ZFYVE28: variants seen among roughly 807,000 people sequenced by gnomAD.
ZFYVE28 encodes lateral signaling target protein 2 homolog.
In ZFYVE28, 40 loss-of-function variants were observed where a neutral mutation model predicts 82.1. The ratio of observed to expected loss-of-function variants is 0.49; its 90% CI spans 0.38 to 0.63. The LOEUF is 0.63. Among genes scored for constraint, ZFYVE28 ranks in the 30% least tolerant of loss-of-function variants. The pLI, the probability that ZFYVE28 is intolerant of heterozygous loss-of-function variation, is 0.00. For synonymous variants in ZFYVE28, 612 were observed against 546.1 expected (o/e 1.12, Z -1.68); for missense variants, 1,321 against 1,242.1 (o/e 1.06, Z -0.96).
Position 2,337,413 on chromosome 4 carries a change from A to G in ZFYVE28, c.605T>C (p.Val202Ala), listed in dbSNP as rs1173063840. 6.2e-7 allele frequency: 1 copy of G among 1,604,314 alleles called. No homozygotes were observed. The highest frequency in any genetic ancestry group is 8.5e-7 in the Non-Finnish European group (1 of 1,174,936). The change falls in exon 5 of 13, where the codon GTG becomes GCG. Residue 202 changes from valine (V) to alanine (A), a missense_variant. By Grantham distance (64) the Val-to-Ala change is moderately conservative. Transcript: ENST00000290974. ...TAAGCATCCCTGTGCTCACCTCTCCACCGTCTCGCAGAAGAGCACGATGAC... is the reference window on the plus strand; with the variant it reads ...TAAGCATCCCTGTGCTCACCTCTCCGCCGTCTCGCAGAAGAGCACGATGAC... ...QEVIVLFCETVERALDFGYLT... is the reference protein window; with the variant it reads ...QEVIVLFCETAERALDFGYLT...
chr4:2,385,708 C>T (rs772964165), intron 1 of ZFYVE28, among the ~76,000 whole-genome samples: 6 of 152,208 alleles, frequency 3.9e-5, no homozygotes, highest in East Asian at 3.9e-4. Flanking sequence ...CAGGACAGCA[C>T]GGGGCAGATT....
intron 6 of ZFYVE28, among the ~76,000 whole-genome samples, chr4:2,334,304 C>T (rs544899891): frequency 2.6e-5 from 4 of 152,154 alleles, no homozygotes; most frequent in South Asian, 2.1e-4. Flanking sequence ...GGGGAGTGAG[C>T]GGCCTGGCCC....
At chr4:2,385,862 G>A (rs1729205830) in intron 1 of ZFYVE28, among the ~76,000 whole-genome samples, 1 of 152,230 alleles carries the variant, frequency 6.6e-6, no homozygotes, top group South Asian at 2.1e-4. Context: ...GACCCATCTG[G>A]TTCTCCGGGA....
intron 1 of ZFYVE28, among the ~76,000 whole-genome samples, chr4:2,406,062 A>AAAAAGAAAGAAAGAAAG (rs1553867781): frequency 8.0e-6 from 1 of 125,072 alleles, no homozygotes; most frequent in African/African-American, 3.3e-5. Context: ...AAAAAAAAAA[A>AAAAAGAAAGAAAGAAAG]AAAGAAAGAA....
intron 8 of ZFYVE28, among the ~76,000 whole-genome samples, chr4:2,301,494 T>C (rs1049357623): frequency 1.4e-5 from 2 of 140,212 alleles, no homozygotes; most frequent in African/African-American, 2.4e-5. Flanking sequence ...CCTGGGCTCC[T>C]TCCCTTTCCT....
intron 1 of ZFYVE28, among the ~76,000 whole-genome samples, chr4:2,401,693 G>A (rs978633785): frequency 5.3e-5 from 8 of 152,154 alleles, no homozygotes; most frequent in Admixed American, 1.3e-4. Context: ...GCCTCCTTGC[G>A]GTCCCCTCGC....
rs192186840 is a variant in ZFYVE28, at chr4:2,394,213, G to T, written c.39+24072C>A. On this transcript the variant is annotated intron_variant, in intron 1 of 12. Transcript: ENST00000290974. The surrounding 1 kb of genome is among the most constrained non-coding windows in gnomAD (Gnocchi z 4.0). ...TCCAGGAAAATTTCATGATCGGAAGGTCAACTGACGAGCAGGCGTAGTTCC... is the reference window on the plus strand; with the variant it reads ...TCCAGGAAAATTTCATGATCGGAAGTTCAACTGACGAGCAGGCGTAGTTCC... Among the ~76,000 whole-genome samples the T allele has an allele frequency of 2.6e-4, 40 of 152,226 alleles. No individual in the cohort carries two copies. The highest frequency in any genetic ancestry group is 9.1e-4 in the African/African-American group (38 of 41,544).
intron 1 of ZFYVE28, among the ~76,000 whole-genome samples, chr4:2,374,264 A>C (rs1246576633): frequency 1.3e-5 from 2 of 152,200 alleles, no homozygotes; most frequent in Non-Finnish European, 2.9e-5. Flanking sequence ...ACGTGTTTTC[A>C]ACTAGTGTTG....
Position 2,274,184 on chromosome 4 carries a change from T to C in ZFYVE28, c.2084A>G (p.Lys695Arg). 1 of 1,613,832 alleles carries C rather than the reference T, an allele frequency of 6.2e-7. No individual in the cohort carries two copies. The highest frequency in any genetic ancestry group is 8.5e-7 in the Non-Finnish European group (1 of 1,179,978). ...SSTAGSCSSDKMGPEAAPAAT... is the reference protein window; with the variant it reads ...SSTAGSCSSDRMGPEAAPAAT... ...TGCTGGGGCCGCCTCTGGCCCCATC[T>C]TGTCTGAGGAGCAGGACCCAGCTGT... is the stretch of plus-strand genomic sequence containing the variant. The change falls in exon 9 of 13, where the codon AAG becomes AGG. Residue 695 changes from lysine to arginine, a missense_variant. Lys to Arg is a conservative substitution (Grantham distance 26). Transcript: ENST00000290974.
rs1013492781 is a variant in ZFYVE28 at position 2,277,372 on chromosome 4, C to T, written c.2052-3156G>A. 9.2e-5 allele frequency among the ~76,000 whole-genome samples: 14 copies of T among 152,056 alleles called. No homozygotes were observed. In the South Asian group the frequency reaches 1.2e-3, roughly 14 times the overall value. Reference sequence around the variant, plus strand: ...GCGTGTGCCTGTAGTCCCAGCTACTCGGGAGGCTGAGGCAGGAGAATTGCT... The same window carrying T: ...GCGTGTGCCTGTAGTCCCAGCTACTTGGGAGGCTGAGGCAGGAGAATTGCT... On this transcript the variant is annotated intron_variant, in intron 8 of 12. Coordinates refer to ENST00000290974, the MANE Select transcript of ZFYVE28 (RefSeq NM_020972.3).
chr4:2,402,274 C>T (rs1282365146), intron 1 of ZFYVE28, among the ~76,000 whole-genome samples: 1 of 152,130 alleles, frequency 6.6e-6, no homozygotes, highest in African/African-American at 2.4e-5. Flanking sequence ...CTCCCCAACT[C>T]CTCCCAAGGT....
chr4:2,314,449 T>A (rs555553902), intron 7 of ZFYVE28, among the ~76,000 whole-genome samples: 33 of 152,360 alleles, frequency 2.2e-4, no homozygotes, highest in African/African-American at 7.7e-4. Flanking sequence ...TTTTTTTCTA[T>A]TTGGTCCATT....
chr4:2,330,177 A>T, intron 6 of ZFYVE28: 2 of 725,940 alleles, frequency 2.8e-6, no homozygotes, highest in Non-Finnish European at 3.4e-6. Context: ...GAGTAATGAA[A>T]ATGTTATGAA....
At chr4:2,345,843 A>C (rs1372469724) in intron 2 of ZFYVE28, among the ~76,000 whole-genome samples, 2 of 152,106 alleles carry the variant, frequency 1.3e-5, no homozygotes, top group Non-Finnish European at 2.9e-5. Context: ...ATGGCATTAG[A>C]TTTTTCATCC....
At position 2,372,170 on chromosome 4, in the gene ZFYVE28, C is replaced by T. The variant is rs1281975504; in HGVS notation, c.40-18097G>A. 3.3e-5 allele frequency among the ~76,000 whole-genome samples: 5 copies of T among 152,102 alleles called. No individual in the cohort carries two copies. The highest frequency in any genetic ancestry group is 3.3e-4 in the Admixed American group (5 of 15,268). ...AGGGCAAATGTTTTGTTTGCTGTTACCTATTCCCGTGACCAACAGGACCCA... is the reference window on the plus strand; with the variant it reads ...AGGGCAAATGTTTTGTTTGCTGTTATCTATTCCCGTGACCAACAGGACCCA... On this transcript the variant is annotated intron_variant, in intron 1 of 12. Coordinates refer to ENST00000290974, the MANE Select transcript of ZFYVE28 (RefSeq NM_020972.3). This position sits in a 1 kb window ranked among gnomAD's most constrained non-coding sequence, Gnocchi z 5.2.
chr4:2,312,382 G>T (rs1366827597), intron 7 of ZFYVE28, among the ~76,000 whole-genome samples: 1 of 149,894 alleles, frequency 6.7e-6, no homozygotes, highest in Non-Finnish European at 1.5e-5. Context: ...TATTACAAAA[G>T]AAAAAAAAAG....
intron 1 of ZFYVE28, among the ~76,000 whole-genome samples, chr4:2,354,647 C>T (rs571825260): frequency 3.9e-4 from 59 of 151,990 alleles, no homozygotes; most frequent in African/African-American, 1.3e-3. Flanking sequence ...TTAGTAGAGA[C>T]GGGGTTTCGC....
intron 8 of ZFYVE28, among the ~76,000 whole-genome samples, chr4:2,289,828 A>G (rs1298769198): frequency 6.6e-6 from 1 of 152,066 alleles, no homozygotes; most frequent in Non-Finnish European, 1.5e-5. Context: ...GAGGTCCCAG[A>G]GATGTCTCTG....
intron 2 of ZFYVE28, 35 bp downstream of exon 2, chr4:2,353,898 C>A (rs368442050): frequency 6.9e-7 from 1 of 1,459,300 alleles, no homozygotes; most frequent in African/African-American, 1.4e-5. Flanking sequence ...CAATGCCCAG[C>A]GGGGCCAGCC....
Sources: allele counts gnomAD v4.1 joint callset (sites outside exome capture counted in the v4.1 genomes callset), GRCh38; gene constraint gnomAD v4.1.1; non-coding constraint Gnocchi (gnomAD v3.1); transcripts MANE v1.5; gene names NCBI Gene and HGNC (gene_info 2026-07-23, HGNC 2026-07-21).